KIAA1549L: variants seen among roughly 807,000 people sequenced by gnomAD.
The protein encoded by KIAA1549L is KIAA1549 like.
Under a neutral mutation model 160.7 loss-of-function variants are expected in KIAA1549L, and 88 were observed. That is an observed-to-expected ratio of 0.55 (90% CI 0.46 to 0.65). The LOEUF (loss-of-function observed/expected upper bound fraction) is 0.65. Among genes scored for constraint, KIAA1549L ranks in the 30% least tolerant of loss-of-function variants. The pLI is 0.00. For synonymous variants in KIAA1549L, 950 were observed against 976.7 expected, an observed-to-expected ratio of 0.97 and a Z score of 0.51; for missense variants, 2,258 against 2,437.5, an observed-to-expected ratio of 0.93 and a Z score of 1.55.
rs374528636 is a variant in KIAA1549L at position 33,470,436 on chromosome 11, T to G, written c.239-71366T>G. Among the ~76,000 whole-genome samples the G allele has an allele frequency of 8.5e-5, 13 of 152,140 alleles. No homozygotes were observed. The East Asian group carries it at 2.5e-3, about 29-fold the overall frequency. On this transcript the variant is annotated intron_variant, in intron 1 of 20. Transcript: ENST00000658780. Reference sequence around the variant, plus strand: ...TGTATTGTAGCTTTATAGTAAGTGTTTGTTTGTTTGGTTTTGGCTTTTTTT... The same window carrying G: ...TGTATTGTAGCTTTATAGTAAGTGTGTGTTTGTTTGGTTTTGGCTTTTTTT...
chr11:33,591,325 T>G lies in KIAA1549L; in HGVS notation c.4655T>G (p.Val1552Gly). ...ATCCCTGTGACTCAGGAGACAGTGG[T>G]TCTCCCACTGCCCATTAGAGATGCT... ...EVIPVTQETV[V>G]LPLPIRDAPQ... is the part of the protein sequence containing the mutation. Residue 1552 changes from valine (V) to glycine (G), a missense_variant, in exon 12 of 21, where the codon GTT becomes GGT. Around this residue, in one of 6 missense-constraint regions of KIAA1549L, gnomAD observed 1,359 missense variants for 1,546.6 expected, o/e 0.88. Coordinates refer to ENST00000658780, the MANE Select transcript of KIAA1549L (RefSeq NM_012194.3). 6.2e-7 allele frequency: 1 copy of G among 1,612,010 alleles called. No homozygotes were observed. Among genetic ancestry groups the G allele is most frequent in the Non-Finnish European group, 8.5e-7 (1 of 1,178,214 alleles).
intron 1 of KIAA1549L, among the ~76,000 whole-genome samples, chr11:33,422,101 C>T (rs1851024066): frequency 6.6e-6 from 1 of 152,110 alleles, no homozygotes; most frequent in Admixed American, 6.5e-5. Context: ...GCTTGGCCTC[C>T]TCTCCTGCCA....
At chr11:33,466,617 G>T (rs546619631) in intron 1 of KIAA1549L, among the ~76,000 whole-genome samples, 4 of 152,206 alleles carry the variant, frequency 2.6e-5, no homozygotes, top group African/African-American at 7.2e-5. Context: ...CCTATTGCTG[G>T]CTATATACCC....
At chr11:33,519,867 C>T (rs540169926) in intron 1 of KIAA1549L, among the ~76,000 whole-genome samples, 3 of 152,202 alleles carry the variant, frequency 2.0e-5, no homozygotes, top group Admixed American at 6.5e-5. Context: ...TTTGCCTCCC[C>T]GACCCCAGCA....
intron 19 of KIAA1549L, 49 bp downstream of exon 19, chr11:33,658,947 C>G: frequency 6.7e-7 from 1 of 1,488,832 alleles, no homozygotes; most frequent in Non-Finnish European, 9.0e-7. Context: ...GCTGCTGTGC[C>G]CTGTCCTCCC....
chr11:33,598,817 C>T lies in KIAA1549L; in HGVS notation c.4752-3C>T. On this transcript the variant is annotated splice_region_variant and splice_polypyrimidine_tract_variant and intron_variant, in intron 12 of 20. Coordinates refer to ENST00000658780, the MANE Select transcript of KIAA1549L (RefSeq NM_012194.3). The stretch of plus-strand genomic sequence containing the variant: ...TCTCCCCTGTTGCTATGGTTACCTC[C>T]AGCAGGTCGCCCAGTGAGAATGGCT... 6.2e-7 allele frequency: 1 copy of T among 1,613,882 alleles called. No homozygotes were observed. The highest frequency in any genetic ancestry group is 8.5e-7 in the Non-Finnish European group (1 of 1,179,814).
intron 1 of KIAA1549L, among the ~76,000 whole-genome samples, chr11:33,435,832 G>A (rs12791279): frequency 0.034 from 1,114 of 32,856 alleles, 146 homozygotes; most frequent in Non-Finnish European, 0.041. Context: ...ATATATATAT[G>A]TATATGTATA....
At chr11:33,561,286 G>A (rs1026960814) in intron 7 of KIAA1549L, among the ~76,000 whole-genome samples, 6 of 152,130 alleles carry the variant, frequency 3.9e-5, no homozygotes, top group African/African-American at 7.2e-5. Context: ...AGATTTTGAT[G>A]AAAAAACGGA....
At chr11:33,440,142 T>A (rs1851468287) in intron 1 of KIAA1549L, among the ~76,000 whole-genome samples, 1 of 113,216 alleles carries the variant, frequency 8.8e-6, no homozygotes. Flanking sequence ...TTTTTTTTTT[T>A]TTTTTGAGAC....
chr11:33,655,887 A>C (rs987675061), intron 17 of KIAA1549L, 125 bp from the exon 18 acceptor site: 53 of 664,550 alleles, frequency 8.0e-5, no homozygotes, highest in Non-Finnish European at 1.3e-4. Context: ...TCTTAGAAAA[A>C]AGTCTGAGTA....
In KIAA1549L at chr11:33,543,874, G is replaced by A; in HGVS notation, c.2311G>A (p.Gly771Arg). ...DTAGHSVTAE[G>R]FSIQDLVLGT... ...TGCTGGGCATTCAGTGACTGCAGAA[G>A]GGTTTAGTATTCAGGATCTAGTCCT... is the stretch of plus-strand genomic sequence containing the variant. Residue 771 changes from glycine (G) to arginine (R), a missense_variant, in exon 2 of 21, where the codon GGG becomes AGG. By Grantham distance (125) the Gly-to-Arg change is moderately radical (BLOSUM62 -2). Transcript: ENST00000658780. 1.2e-6 allele frequency: 2 copies of A among 1,614,066 alleles called. No homozygotes were observed. Among genetic ancestry groups the A allele is most frequent in the Non-Finnish European group, 1.7e-6 (2 of 1,179,898 alleles).
chr11:33,659,787 G>A (rs985869248), intron 19 of KIAA1549L, among the ~76,000 whole-genome samples: 2 of 152,254 alleles, frequency 1.3e-5, no homozygotes, highest in Non-Finnish European at 2.9e-5. Flanking sequence ...CAGGTCAGGG[G>A]TGTTGGGATG....
At chr11:33,637,015 G>A (rs1389091340) in intron 16 of KIAA1549L, among the ~76,000 whole-genome samples, 1 of 152,146 alleles carries the variant, frequency 6.6e-6, no homozygotes, top group African/African-American at 2.4e-5. Context: ...CCAGGGAGGT[G>A]ACTTTTGAGC....
At chr11:33,523,568 G>A (rs1413651658) in intron 1 of KIAA1549L, among the ~76,000 whole-genome samples, 1 of 152,172 alleles carries the variant, frequency 6.6e-6, no homozygotes, top group Non-Finnish European at 1.5e-5. Flanking sequence ...AAATGAATGA[G>A]ACATTTTCTG....
rs1852620292 is a variant in KIAA1549L at position 33,670,058 on chromosome 11, G to T, written c.*1904G>T. On this transcript the variant is annotated 3_prime_UTR_variant, in exon 21 of 21. Transcript: ENST00000658780. ...GATTTTATTGACAGGTTAACACAAT[G>T]CCTACGTCTATCCACATAGGCATTC... The T allele has an allele frequency of 1.3e-5, 2 of 152,220 alleles. No homozygotes were observed. The highest frequency in any genetic ancestry group is 2.1e-4 in the South Asian group (1 of 4,832). The allele number at this position is 152,220 out of a possible 1,614,324, so 9.4% of individuals were successfully genotyped here. A position where few individuals can be genotyped will look rare whatever the true frequency, so the allele number is the denominator to read the frequency against.
chr11:33,589,027 C>T (rs1849965678), intron 11 of KIAA1549L, among the ~76,000 whole-genome samples: 1 of 152,176 alleles, frequency 6.6e-6, no homozygotes, highest in East Asian at 1.9e-4. Flanking sequence ...CTGGAACCTT[C>T]CTGTTGTATC....
At position 33,512,073 on chromosome 11, in the gene KIAA1549L, T is replaced by C. The variant is rs146520786; in HGVS notation, c.239-29729T>C. 2.4e-3 allele frequency among the ~76,000 whole-genome samples: 372 copies of C among 152,366 alleles called. 10 individuals are homozygous for C. In the East Asian group the frequency reaches 0.04, roughly 16 times the overall value. ...CTGGATAATCTTGATAAGGTACTAC[T>C]GCAAGTCTATGACTATCTCAGAATA... is the stretch of plus-strand genomic sequence containing the variant. On this transcript the variant is annotated intron_variant, in intron 1 of 20. Transcript: ENST00000658780.
At chr11:33,432,207 G>T (rs1331968044) in intron 1 of KIAA1549L, among the ~76,000 whole-genome samples, 4 of 152,196 alleles carry the variant, frequency 2.6e-5, no homozygotes, top group East Asian at 1.9e-4. Flanking sequence ...GCAGCGGTGG[G>T]CTGAAGTGCT....
At chr11:33,569,459 G>A (rs148785872) in intron 9 of KIAA1549L, among the ~76,000 whole-genome samples, 76 of 152,222 alleles carry the variant, frequency 5.0e-4, no homozygotes, top group African/African-American at 1.8e-3. Context: ...CCACATCTCG[G>A]GTGTAACTGA....
Sources: gnomAD v4.1 joint callset for allele counts (sites outside exome capture counted in the v4.1 genomes callset) on GRCh38, gnomAD v4.1.1 for gene constraint, gnomAD v4.1.1 regional missense constraint, MANE v1.5 for transcripts, NCBI Gene and HGNC (gene_info 2026-07-23, HGNC 2026-07-21) for gene names.